Variants in CD8B observed in about 807,000 individuals in gnomAD.
CD8B encodes CD8 subunit beta, also known as T-cell surface glycoprotein CD8 beta chain.
In CD8B, 6 loss-of-function variants were observed where a neutral mutation model predicts 24.2. That is an observed-to-expected ratio of 0.25 (90% CI 0.14 to 0.49). The LOEUF is 0.49. CD8B is among the 20% of genes least tolerant of loss of function. CD8B has a pLI of 0.98. For synonymous variants in CD8B, 84 were observed against 108.3 expected (o/e 0.78, Z 1.39); for missense variants, 196 against 271.3 (o/e 0.72, Z 1.95).
intron 5 of CD8B, among the ~76,000 whole-genome samples, chr2:86,823,064 A>G (rs1308977887): frequency 6.6e-6 from 1 of 152,114 alleles, no homozygotes; most frequent in East Asian, 1.9e-4. Context: ...CATTACCACC[A>G]TGCATCCACA....
At chr2:86,851,485 A>G (rs1028205464) in intron 3 of CD8B, among the ~76,000 whole-genome samples, 9 of 152,136 alleles carry the variant, frequency 5.9e-5, no homozygotes, top group African/African-American at 2.2e-4. Flanking sequence ...ATGGGACTTT[A>G]TAAAATAAGG....
intron 5 of CD8B, among the ~76,000 whole-genome samples, chr2:86,816,004 C>T (rs1056022049): frequency 3.3e-5 from 5 of 152,198 alleles, no homozygotes; most frequent in Non-Finnish European, 5.9e-5. Flanking sequence ...CTCAGTTATT[C>T]CCCAAAGTTA....
At chr2:86,827,263 C>T (rs1674727273) in intron 5 of CD8B, among the ~76,000 whole-genome samples, 1 of 151,702 alleles carries the variant, frequency 6.6e-6, no homozygotes, top group African/African-American at 2.4e-5. Flanking sequence ...AAAAAAAAAC[C>T]TTCTGGTAGA....
Position 86,822,370 on chromosome 2 carries a change from T to G in CD8B, c.621-6652A>C, listed in dbSNP as rs751339636. ...GAACATTTCTCCAGTGGATGTAATC[T>G]TAGTCTTGGCACAATAGAGTATGAA... On this transcript the variant is annotated intron_variant, in intron 5 of 5. Transcript: ENST00000331469. 7 of 1,579,152 alleles carry G rather than the reference T, an allele frequency of 4.4e-6. No homozygotes were observed. The East Asian group carries it at 1.6e-4, about 35-fold the overall frequency.
downstream of CD8B, among the ~76,000 whole-genome samples, chr2:86,837,730 C>G (rs1395918489): frequency 1.5e-5 from 2 of 133,002 alleles, no homozygotes; most frequent in Non-Finnish European, 3.1e-5. Flanking sequence ...TAGGACCCCC[C>G]TTCTTCTTTT....
chr2:86,818,297 C>T (rs1674336513), intron 5 of CD8B, among the ~76,000 whole-genome samples: 1 of 152,090 alleles, frequency 6.6e-6, no homozygotes, highest in Admixed American at 6.5e-5. Flanking sequence ...TGCTGTGTTC[C>T]AGGCACTGTT....
rs372792520 is a variant in CD8B at position 86,839,165 on chromosome 2, T to C, written c.*3142A>G. Among the ~76,000 whole-genome samples the C allele has an allele frequency of 8.6e-4, 131 of 152,356 alleles. 1 individual carries two copies. The highest frequency in any genetic ancestry group is 3.1e-3 in the African/African-American group (127 of 41,598). On this transcript the variant is annotated 3_prime_UTR_variant, in exon 6 of 6. Transcript: ENST00000390655. ...CATATATTGTATTAAGAATAATCTA[T>C]ACAGATGTTTTAAAAATATATGCAT...
At chr2:86,827,250 A>T (rs1674726467) in intron 5 of CD8B, among the ~76,000 whole-genome samples, 2 of 148,156 alleles carry the variant, frequency 1.3e-5, no homozygotes, top group African/African-American at 4.9e-5. Context: ...TTTTGAGTTA[A>T]AAAAAAAAAA....
At chr2:86,820,646 G>A (rs1356693984) in intron 5 of CD8B, among the ~76,000 whole-genome samples, 1 of 152,048 alleles carries the variant, frequency 6.6e-6, no homozygotes, top group East Asian at 1.9e-4. Flanking sequence ...TGGCTTTATT[G>A]TGATATTTGC....
At chr2:86,818,233 A>T (rs951546966) in intron 5 of CD8B, among the ~76,000 whole-genome samples, 1 of 152,080 alleles carries the variant, frequency 6.6e-6, no homozygotes, top group Non-Finnish European at 1.5e-5. Context: ...AATAAAAATA[A>T]ATAAATAAAG....
chr2:86,853,437 G>A (rs914436582), intron 2 of CD8B, among the ~76,000 whole-genome samples: 5 of 152,048 alleles, frequency 3.3e-5, no homozygotes, highest in Non-Finnish European at 5.9e-5. Flanking sequence ...GCAAGACCCT[G>A]TCTCAAGAGC....
chr2:86,837,798 C>T (rs532417192), downstream of CD8B, among the ~76,000 whole-genome samples: 6 of 23,508 alleles, frequency 2.6e-4, no homozygotes, highest in African/African-American at 1.1e-3. Flanking sequence ...AGGAAGGGGG[C>T]GGGGGGAGGG....
At chr2:86,837,326 G>A (rs1234217384), downstream of CD8B, among the ~76,000 whole-genome samples, 2 of 152,186 alleles carry the variant, frequency 1.3e-5, no homozygotes, top group South Asian at 2.1e-4. Context: ...CTTTTTCAGC[G>A]CCTCTGCTTT....
intron 3 of CD8B, among the ~76,000 whole-genome samples, chr2:86,850,063 G>A (rs1039446486): frequency 1.3e-5 from 2 of 152,082 alleles, no homozygotes; most frequent in Non-Finnish European, 2.9e-5. Flanking sequence ...TGTACAGGGC[G>A]GCACGGCTCC....
At chr2:86,857,533 A>G (rs1402214609) in intron 2 of CD8B, among the ~76,000 whole-genome samples, 1 of 152,144 alleles carries the variant, frequency 6.6e-6, no homozygotes, top group African/African-American at 2.4e-5. Flanking sequence ...CACCTGGCCA[A>G]CATGGTGAAA....
At chr2:86,859,924 C>T (rs1364116589) in intron 1 of CD8B, among the ~76,000 whole-genome samples, 3 of 152,160 alleles carry the variant, frequency 2.0e-5, no homozygotes, top group East Asian at 1.9e-4. Context: ...AAATGAACTT[C>T]GACTTTTTGA....
At chr2:86,830,657 C>CA (rs1044729365) in intron 5 of CD8B, among the ~76,000 whole-genome samples, 49 of 149,718 alleles carry the variant, frequency 3.3e-4, no homozygotes, top group South Asian at 8.5e-4. Context: ...ATTGCTGGTT[C>CA]AAAAAAAAAT....
intron 5 of CD8B, chr2:86,844,481 G>A: frequency 2.4e-6 from 1 of 415,354 alleles, no homozygotes; most frequent in Non-Finnish European, 4.3e-6. Flanking sequence ...CGGATGGGAT[G>A]AGTTTGGGAT....
At chr2:86,832,059 G>T (rs775139236) in intron 5 of CD8B, among the ~76,000 whole-genome samples, 1 of 152,178 alleles carries the variant, frequency 6.6e-6, no homozygotes, top group Non-Finnish European at 1.5e-5. Flanking sequence ...CTCATCTGAC[G>T]AGCTTGAGTG....
Sources: allele counts gnomAD v4.1 joint callset (sites outside exome capture counted in the v4.1 genomes callset), GRCh38; gene constraint gnomAD v4.1.1; transcripts MANE v1.5; gene names NCBI Gene and HGNC (gene_info 2026-07-23, HGNC 2026-07-21).